AOPEP: variants seen among roughly 807,000 people sequenced by gnomAD.
AOPEP encodes the protein aminopeptidase O.
Under a neutral mutation model 98.1 loss-of-function variants are expected in AOPEP, and 77 were observed. That is an observed-to-expected ratio of 0.78 (90% CI 0.65 to 0.95). The LOEUF (loss-of-function observed/expected upper bound fraction) is 0.95. Among genes scored for constraint, AOPEP ranks in the 40% least tolerant of loss-of-function variants. AOPEP has a pLI of 0.00. For missense variants in AOPEP, 1,024 were observed against 1,024.7 expected (o/e 1.00, Z 0.01); for synonymous variants, 346 against 365.3 (o/e 0.95, Z 0.60).
the AOPEP span, among the ~76,000 whole-genome samples, chr9:95,105,435 A>G: frequency 1.3e-5 from 2 of 152,234 alleles, no homozygotes; most frequent in African/African-American, 4.8e-5. Flanking sequence ...TGTCAACAAA[A>G]GTACAAATAA....
intron 5 of AOPEP, among the ~76,000 whole-genome samples, chr9:94,859,358 G>A (rs2044646918): frequency 6.6e-6 from 1 of 152,072 alleles, no homozygotes; most frequent in African/African-American, 2.4e-5. Context: ...AATCTCTGTC[G>A]GCACTGTCTT....
chr9:94,995,694 A>G (rs1193695253), intron 11 of AOPEP, among the ~76,000 whole-genome samples: 1 of 152,182 alleles, frequency 6.6e-6, no homozygotes, highest in Non-Finnish European at 1.5e-5. Flanking sequence ...TGAAACCCAT[A>G]ATTATAAAAG....
At chr9:94,929,722 C>T (rs1056354265) in intron 7 of AOPEP, among the ~76,000 whole-genome samples, 3 of 152,262 alleles carry the variant, frequency 2.0e-5, no homozygotes, top group African/African-American at 7.2e-5. Flanking sequence ...GGCCCCTGCT[C>T]TCACAGAGCT....
At chr9:94,957,348 C>T (rs113441820) in intron 9 of AOPEP, among the ~76,000 whole-genome samples, 1,555 of 152,246 alleles carry the variant, frequency 0.01, 31 homozygotes, top group African/African-American at 0.036. Context: ...GCTGGGATTA[C>T]AGGCGCTTGC....
chr9:94,785,754 C>T (rs1479992759), intron 3 of AOPEP, among the ~76,000 whole-genome samples: 2 of 152,170 alleles, frequency 1.3e-5, no homozygotes, highest in Non-Finnish European at 2.9e-5. Context: ...CTTTGTTTTG[C>T]AGCTGGTGTA....
intron 13 of AOPEP, among the ~76,000 whole-genome samples, chr9:95,028,647 T>C (rs1411685871): frequency 6.6e-6 from 1 of 152,250 alleles, no homozygotes; most frequent in Middle Eastern, 3.2e-3. Flanking sequence ...AGAATGCATT[T>C]GTGATGTTTG....
rs949209063 is a variant in AOPEP at position 94,777,431 on chromosome 9, C to CA, written c.964+4277dup. On this transcript the variant is annotated intron_variant, in intron 3 of 16. Coordinates refer to ENST00000375315, the MANE Select transcript of AOPEP (RefSeq NM_001193329.3). ...TGGGCGACAGAGCGAGACTCCATCT[C>CA]AAAAAAAAAAAAAAGAAAACTAATG... Among the ~76,000 whole-genome samples, 134 of 91,840 alleles carry CA rather than the reference C, an allele frequency of 1.5e-3. 1 individual carries two copies. The highest frequency in any genetic ancestry group is 0.015 in the South Asian group (43 of 2,954). 60.3% of individuals were successfully genotyped at this position (91,840 alleles called of 152,430 possible). A position where few individuals can be genotyped will look rare whatever the true frequency, so the allele number is the denominator to read the frequency against.
At chr9:95,074,531 C>A (rs191572221) in intron 14 of AOPEP, among the ~76,000 whole-genome samples, 149 of 152,332 alleles carry the variant, frequency 9.8e-4, no homozygotes, top group Middle Eastern at 3.4e-3. Flanking sequence ...CTCTGTGTTA[C>A]CCCGACCTGT....
chr9:94,850,000 A>G (rs1032996482), intron 5 of AOPEP, among the ~76,000 whole-genome samples: 21 of 148,516 alleles, frequency 1.4e-4, no homozygotes, highest in African/African-American at 5.0e-4. Context: ...ATGCCACGGC[A>G]CTCCAGCCTG....
At chr9:94,932,577 G>C (rs1169713413) in intron 7 of AOPEP, 1 of 157,686 alleles carries the variant, frequency 6.3e-6, no homozygotes, top group African/African-American at 2.4e-5. Context: ...TCTGCCTCCT[G>C]GATTCAAGTG....
At chr9:94,747,727 A>G (rs1043662702) in intron 1 of AOPEP, among the ~76,000 whole-genome samples, 1 of 152,302 alleles carries the variant, frequency 6.6e-6, no homozygotes, top group Middle Eastern at 3.4e-3. Flanking sequence ...ACCAGGAACA[A>G]TTTTTAGCAA....
intron 7 of AOPEP, among the ~76,000 whole-genome samples, chr9:94,931,221 C>G (rs985212594): frequency 3.3e-5 from 5 of 152,104 alleles, no homozygotes; most frequent in African/African-American, 1.2e-4. Flanking sequence ...TGGCCAAGAT[C>G]TTTTCCTTTG....
intron 5 of AOPEP, among the ~76,000 whole-genome samples, chr9:94,816,616 G>A (rs1851752717): frequency 2.0e-5 from 3 of 152,278 alleles, no homozygotes; most frequent in Admixed American, 6.5e-5. Flanking sequence ...AGGGCATATA[G>A]GTTGGTAAGG....
chr9:95,124,039 G>C, the AOPEP span, among the ~76,000 whole-genome samples: 2 of 146,456 alleles, frequency 1.4e-5, no homozygotes, highest in Non-Finnish European at 3.0e-5. Flanking sequence ...GGGGGGTTGA[G>C]ACTGCAGTAA....
chr9:95,144,381 T>A, the AOPEP span, among the ~76,000 whole-genome samples: 2 of 152,200 alleles, frequency 1.3e-5, no homozygotes, highest in Admixed American at 1.3e-4. Flanking sequence ...AAATAAATTT[T>A]ATGAGTTGTT....
intron 5 of AOPEP, among the ~76,000 whole-genome samples, chr9:94,813,027 A>G (rs1327895390): frequency 6.6e-6 from 1 of 152,116 alleles, no homozygotes; most frequent in Non-Finnish European, 1.5e-5. Context: ...GCAAAAAAAA[A>G]GGGGACAAGG....
intron 5 of AOPEP, among the ~76,000 whole-genome samples, chr9:94,861,500 C>T (rs1430110760): frequency 2.6e-5 from 4 of 152,156 alleles, no homozygotes; most frequent in African/African-American, 9.7e-5. Context: ...CCTTAATTTA[C>T]AGATTAAGCA....
intron 11 of AOPEP, among the ~76,000 whole-genome samples, chr9:94,998,164 G>A (rs1356505747): frequency 6.6e-6 from 1 of 151,630 alleles, no homozygotes; most frequent in Non-Finnish European, 1.5e-5. Flanking sequence ...GTCATCTGGG[G>A]TTGATCTAAT....
intron 14 of AOPEP, among the ~76,000 whole-genome samples, chr9:95,063,679 C>T (rs528806514): frequency 6.6e-6 from 1 of 152,226 alleles, no homozygotes; most frequent in East Asian, 1.9e-4. Context: ...TTGGTAGCAC[C>T]CGTTCTTCCC....
Sources: gnomAD v4.1 joint callset for allele counts (sites outside exome capture counted in the v4.1 genomes callset) on GRCh38, gnomAD v4.1.1 for gene constraint, MANE v1.5 for transcripts, NCBI Gene and HGNC (gene_info 2026-07-23, HGNC 2026-07-21) for gene names.